Variants in ARMH4 observed in about 807,000 individuals in gnomAD.
The protein encoded by ARMH4 is armadillo-like helical domain-containing protein 4.
ARMH4 carries 49 observed loss-of-function variants against 61.9 expected under a neutral mutation model. That is an observed-to-expected ratio of 0.79 (90% CI 0.63 to 1.00). The LOEUF (loss-of-function observed/expected upper bound fraction) is 1.00. Among genes scored for constraint, ARMH4 ranks in the 50% least tolerant of loss-of-function variants. The pLI is 0.00. For missense variants in ARMH4, 934 were observed against 930.0 expected (o/e 1.00, Z -0.06); for synonymous variants, 368 against 341.5 (o/e 1.08, Z -0.85).
At chr14:58,106,445 T>A (rs1205221205) in intron 4 of ARMH4, among the ~76,000 whole-genome samples, 1 of 152,186 alleles carries the variant, frequency 6.6e-6, no homozygotes, top group Non-Finnish European at 1.5e-5. Flanking sequence ...CAGTTGAGAA[T>A]AAAACTAAGA....
chr14:58,117,763 CT>C (rs959513765), intron 4 of ARMH4, among the ~76,000 whole-genome samples: 37 of 149,278 alleles, frequency 2.5e-4, no homozygotes, highest in South Asian at 8.5e-4. Context: ...ATGAGTATAA[CT>C]TTTTTTTTTA....
intron 5 of ARMH4, among the ~76,000 whole-genome samples, chr14:58,091,008 G>A (rs1331973464): frequency 6.6e-6 from 1 of 151,936 alleles, no homozygotes; most frequent in African/African-American, 2.4e-5. Flanking sequence ...CTTGAGGTCA[G>A]GAGTTCGAGA....
chr14:58,024,003 T>C (rs919818273), intron 5 of ARMH4, among the ~76,000 whole-genome samples: 3 of 152,118 alleles, frequency 2.0e-5, no homozygotes, highest in Non-Finnish European at 2.9e-5. Context: ...GTTCCATTTA[T>C]AGAGCACAGG....
intron 5 of ARMH4, among the ~76,000 whole-genome samples, chr14:58,090,904 AG>A (rs1052357107): frequency 3.6e-4 from 53 of 148,724 alleles, no homozygotes; most frequent in African/African-American, 1.3e-3. Flanking sequence ...AAGAAAGAAA[AG>A]AAAAGAAAAA....
At chr14:58,034,376 C>T (rs1311395887) in intron 5 of ARMH4, among the ~76,000 whole-genome samples, 2 of 114,890 alleles carry the variant, frequency 1.7e-5, no homozygotes, top group South Asian at 6.0e-4. Context: ...CACCACCAGG[C>T]CTGCCCTAAA....
chr14:58,125,974 C>A (rs866592487), intron 4 of ARMH4, among the ~76,000 whole-genome samples: 1 of 152,068 alleles, frequency 6.6e-6, no homozygotes, highest in Non-Finnish European at 1.5e-5. Flanking sequence ...GCTAATTAGG[C>A]TAAAACAGGA....
At chr14:58,032,784 A>C (rs947451434) in intron 5 of ARMH4, among the ~76,000 whole-genome samples, 13 of 152,286 alleles carry the variant, frequency 8.5e-5, no homozygotes, top group African/African-American at 3.1e-4. Context: ...TCAAAGAAAG[A>C]GGTGACGGAC....
intron 5 of ARMH4, among the ~76,000 whole-genome samples, chr14:58,047,538 G>A (rs1377134948): frequency 6.6e-6 from 1 of 152,160 alleles, no homozygotes; most frequent in Non-Finnish European, 1.5e-5. Flanking sequence ...TGAGAGAACT[G>A]GGGTAAAAGA....
intron 4 of ARMH4, chr14:58,116,548 C>T: frequency 9.7e-6 from 2 of 206,746 alleles, no homozygotes; most frequent in South Asian, 6.3e-5. Context: ...GGGTGCTGCA[C>T]ATCTCTAGTC....
intron 4 of ARMH4, among the ~76,000 whole-genome samples, chr14:58,119,095 T>C (rs1594768309): frequency 6.6e-6 from 1 of 152,196 alleles, no homozygotes; most frequent in Admixed American, 6.5e-5. Context: ...AAGGCCCTGG[T>C]AAATGAGGGC....
At position 58,073,097 on chromosome 14, in the gene ARMH4, T is replaced by A. The variant is rs146302357; in HGVS notation, c.2089+23627A>T. Among the ~76,000 whole-genome samples, 61 of 152,270 alleles carry A rather than the reference T, an allele frequency of 4.0e-4. 1 individual carries two copies. In the East Asian group the frequency reaches 0.011, roughly 28 times the overall value. ...GCATAGCAAACACAGTTCCTCTTTATCTGAATACCACCTTTATGTCTATAT... is the reference window on the plus strand; with the variant it reads ...GCATAGCAAACACAGTTCCTCTTTAACTGAATACCACCTTTATGTCTATAT... On this transcript the variant is annotated intron_variant, in intron 5 of 7. Coordinates refer to ENST00000267485, the MANE Select transcript of ARMH4 (RefSeq NM_001001872.4).
At chr14:58,013,355 G>A (rs1684013543) in intron 5 of ARMH4, among the ~76,000 whole-genome samples, 1 of 152,036 alleles carries the variant, frequency 6.6e-6, no homozygotes, top group Admixed American at 6.5e-5. Context: ...ATCTTCAAAT[G>A]TCATAAATAT....
At chr14:58,101,806 G>T (rs1163818410) in intron 4 of ARMH4, among the ~76,000 whole-genome samples, 1 of 152,192 alleles carries the variant, frequency 6.6e-6, no homozygotes, top group Non-Finnish European at 1.5e-5. Context: ...AAACGGGGGA[G>T]AGGGTGTGGA....
intron 6 of ARMH4, among the ~76,000 whole-genome samples, chr14:58,009,576 C>A (rs895215288): frequency 6.6e-6 from 1 of 151,890 alleles, no homozygotes; most frequent in South Asian, 2.1e-4. Context: ...TTTGGGAGGC[C>A]GAGGCAAGCA....
At position 58,096,743 on chromosome 14, in the gene ARMH4, T is replaced by C. The variant is rs1423373240; in HGVS notation, c.2070A>G (p.Glu690=). 2 of 1,614,078 alleles carry C rather than the reference T, an allele frequency of 1.2e-6. No homozygotes were observed. Among genetic ancestry groups the C allele is most frequent in the South Asian group, 1.1e-5 (1 of 91,062 alleles). The change falls in exon 5 of 8, where the codon GAA becomes GAG. Residue 690 remains glutamate (E), a synonymous_variant. Coordinates refer to ENST00000267485, the MANE Select transcript of ARMH4 (RefSeq NM_001001872.4). Reference sequence around the variant, plus strand: ...TCTTACCCAGGCCTTGATTCTGCTGTTCCCACTCGAGGGCATCTGGCACCT... The same window carrying C: ...TCTTACCCAGGCCTTGATTCTGCTGCTCCCACTCGAGGGCATCTGGCACCT... ...TYQVPDALEW[E]QQNQGLVRSW...
chr14:58,004,949 C>T lies in ARMH4; in HGVS notation c.2256+99G>A. 3.2e-6 allele frequency: 5 copies of T among 1,565,790 alleles called. No homozygotes were observed. In the South Asian group the frequency reaches 3.4e-5, roughly 11 times the overall value. On this transcript the variant is annotated intron_variant, in intron 7 of 7. Transcript: ENST00000267485. ...TCCAGACCACTGGGCACGTCAATAC[C>T]ACCCAAGCATCATTAAACCCCGTGT...
intron 4 of ARMH4, among the ~76,000 whole-genome samples, chr14:58,102,503 C>G (rs765257009): frequency 5.3e-5 from 8 of 152,032 alleles, no homozygotes; most frequent in Non-Finnish European, 1.2e-4. Flanking sequence ...TTAAGTACAA[C>G]GACAAAAATC....
At chr14:58,024,986 T>C (rs1330685259) in intron 5 of ARMH4, among the ~76,000 whole-genome samples, 1 of 152,006 alleles carries the variant, frequency 6.6e-6, no homozygotes, top group Non-Finnish European at 1.5e-5. Flanking sequence ...GATATAATAA[T>C]AATGAAAAAG....
intron 5 of ARMH4, among the ~76,000 whole-genome samples, chr14:58,062,999 T>G (rs1317192558): frequency 6.6e-6 from 1 of 152,198 alleles, no homozygotes; most frequent in African/African-American, 2.4e-5. Flanking sequence ...CAATGGAAAT[T>G]TATTCCTCAG....
Sources: allele counts gnomAD v4.1 joint callset (sites outside exome capture counted in the v4.1 genomes callset), GRCh38; gene constraint gnomAD v4.1.1; transcripts MANE v1.5; gene names NCBI Gene and HGNC (gene_info 2026-07-23, HGNC 2026-07-21).